TBCD: variants seen among roughly 807,000 people sequenced by gnomAD.
TBCD encodes the protein tubulin folding cofactor D.
A neutral mutation model predicts 169.3 loss-of-function variants in TBCD; 105 were observed. That is an observed-to-expected ratio of 0.62 (90% CI 0.53 to 0.73). The LOEUF (loss-of-function observed/expected upper bound fraction) is 0.73, where lower values mean the gene tolerates loss of function less well. Ranked by LOEUF, TBCD falls within the 30% of genes least tolerant of loss-of-function variation. The probability of loss-of-function intolerance (pLI) is 0.00; values close to 1 mark genes in which losing one functional copy is unlikely to be tolerated. For synonymous variants in TBCD, 700 were observed against 643.9 expected, an observed-to-expected ratio of 1.09 and a Z score of -1.32; for missense variants, 1,444 against 1,600.1, an observed-to-expected ratio of 0.90 and a Z score of 1.66.
intron 13 of TBCD, among the ~76,000 whole-genome samples, chr17:82,851,206 T>G (rs1031524596): frequency 1.3e-5 from 2 of 152,150 alleles, no homozygotes; most frequent in Admixed American, 6.5e-5. Context: ...GGTGATAATT[T>G]TTAGTTAGAA....
At chr17:82,800,257 C>T (rs2050406561) in intron 8 of TBCD, among the ~76,000 whole-genome samples, 1 of 152,296 alleles carries the variant, frequency 6.6e-6, no homozygotes, top group South Asian at 2.1e-4. Context: ...CTCGTCGCAG[C>T]ACCCGGGCGT....
At chr17:82,840,115 C>CGATTCATG (rs2054341209) in intron 13 of TBCD, 1 of 152,060 alleles carries the variant, frequency 6.6e-6, no homozygotes, top group South Asian at 2.1e-4. Flanking sequence ...CCCGCAGCTA[C>CGATTCATG]GATTCATGTG....
At chr17:82,847,074 G>A (rs926253592) in intron 13 of TBCD, among the ~76,000 whole-genome samples, 2 of 152,170 alleles carry the variant, frequency 1.3e-5, no homozygotes, top group South Asian at 2.1e-4. Context: ...GAAACAGGCC[G>A]GGCGTGGTGG....
intron 13 of TBCD, among the ~76,000 whole-genome samples, chr17:82,865,340 C>T (rs969061936): frequency 2.0e-5 from 3 of 152,202 alleles, no homozygotes; most frequent in Admixed American, 2.0e-4. Context: ...TTCCTGCGCT[C>T]GGGCTCTGCA....
At chr17:82,857,047 A>G (rs531787172) in intron 13 of TBCD, among the ~76,000 whole-genome samples, 11 of 152,308 alleles carry the variant, frequency 7.2e-5, no homozygotes, top group South Asian at 6.2e-4. Context: ...AGCTGTTTCC[A>G]CAGACGCTGT....
Position 82,831,426 on chromosome 17 carries a change from T to A in TBCD, c.1318+16492T>A. The stretch of plus-strand genomic sequence containing the variant: ...CTTCAAGCAGGTGAGAGCTCTGATC[T>A]CGGGTGAGGCCAGTGACAGGTGGGA... On this transcript the variant is annotated intron_variant, in intron 13 of 38. Transcript: ENST00000355528. The surrounding 1 kb of genome is among the most constrained non-coding windows in gnomAD (Gnocchi z 4.6). 1 of 1,614,138 alleles carries A rather than the reference T, an allele frequency of 6.2e-7. No homozygotes were observed. Among genetic ancestry groups the A allele is most frequent in the Non-Finnish European group, 8.5e-7 (1 of 1,180,028 alleles).
At chr17:82,926,359 T>C (rs1212531407) in intron 27 of TBCD, 41 bp from the exon 28 acceptor site, 2 of 1,597,798 alleles carry the variant, frequency 1.3e-6, no homozygotes, top group Non-Finnish European at 1.7e-6. Flanking sequence ...TGCACTTTGT[T>C]ATAGCTTATG....
intron 1 of TBCD, among the ~76,000 whole-genome samples, chr17:82,754,967 G>A (rs761442069): frequency 5.3e-5 from 8 of 152,214 alleles, no homozygotes; most frequent in Non-Finnish European, 8.8e-5. Context: ...GGGTGTGCCC[G>A]TGAGGCAGCC....
chr17:82,782,637 C>T lies in TBCD; in HGVS notation c.771+916C>T, dbSNP rs963490401. On this transcript the variant is annotated intron_variant, in intron 7 of 38. Coordinates refer to ENST00000355528, the MANE Select transcript of TBCD (RefSeq NM_005993.5). This position sits in a 1 kb window ranked among gnomAD's most constrained non-coding sequence, Gnocchi z 5.1. ...CTGGGATTACAGGCTTGAGCCGCCG[C>T]GCCTGGAAGGACACTTTGGAGCGCG... Among the ~76,000 whole-genome samples, 4 of 152,342 alleles carry T rather than the reference C, an allele frequency of 2.6e-5. No homozygotes were observed. Among genetic ancestry groups the T allele is most frequent in the East Asian group, 3.9e-4 (2 of 5,174 alleles).
At position 82,921,524 on chromosome 17, in the gene TBCD, G is replaced by T. The variant is rs772908058; in HGVS notation, c.2125G>T (p.Asp709Tyr). 1.2e-6 allele frequency: 2 copies of T among 1,614,018 alleles called. No homozygotes were observed. The highest frequency in any genetic ancestry group is 1.7e-6 in the Non-Finnish European group (2 of 1,179,888). The change falls in exon 25 of 39, where the codon GAC (aspartate) becomes TAC (tyrosine). Residue 709 changes from aspartate to tyrosine, a missense_variant. Physicochemically the swap from Asp to Tyr is radical, Grantham distance 160. Coordinates refer to ENST00000355528, the MANE Select transcript of TBCD (RefSeq NM_005993.5). ...AGATGGTTGGCAATGGCTGATAAAT[G>T]ACACTTTGAGACATCTCCATCTCAT... ...VIDGWQWLIN[D>Y]TLRHLHLISS...
At chr17:82,939,941 C>T (rs1212997287) in intron 37 of TBCD, among the ~76,000 whole-genome samples, 2 of 152,212 alleles carry the variant, frequency 1.3e-5, no homozygotes, top group African/African-American at 4.8e-5. Context: ...GCCATGAGGC[C>T]CTCAGGAGGC....
chr17:82,886,305 A>C (rs1310892075), intron 15 of TBCD: 1 of 152,226 alleles, frequency 6.6e-6, no homozygotes, highest in Non-Finnish European at 1.5e-5. Context: ...TTGTGAAAAC[A>C]GTTCCAGCTG....
At chr17:82,861,428 G>A (rs1043902342) in intron 13 of TBCD, among the ~76,000 whole-genome samples, 1 of 152,170 alleles carries the variant, frequency 6.6e-6, no homozygotes, top group African/African-American at 2.4e-5. Context: ...TTTCTTTCTT[G>A]GGGGATGGAT....
intron 12 of TBCD, among the ~76,000 whole-genome samples, chr17:82,811,076 AGG>A (rs1039140877): frequency 5.3e-4 from 80 of 152,286 alleles, no homozygotes; most frequent in African/African-American, 1.6e-3. Context: ...CAGGGGTTGG[AGG>A]GTGCTACGTG....
chr17:82,772,844 C>T (rs1166999626), intron 6 of TBCD, among the ~76,000 whole-genome samples: 2 of 152,056 alleles, frequency 1.3e-5, no homozygotes, highest in Non-Finnish European at 2.9e-5. Flanking sequence ...CATCTCGGGC[C>T]GTCTCCCATG....
chr17:82,755,955 A>G (rs1296665980), intron 1 of TBCD, among the ~76,000 whole-genome samples: 1 of 152,094 alleles, frequency 6.6e-6, no homozygotes, highest in South Asian at 2.1e-4. Context: ...AGGCTGGGCC[A>G]CAGTGGCCCT....
At position 82,831,636 on chromosome 17, in the gene TBCD, C is replaced by T; in HGVS notation, c.1318+16702C>T. 1 of 1,614,168 alleles carries T rather than the reference C, an allele frequency of 6.2e-7. No homozygotes were observed. Among genetic ancestry groups the T allele is most frequent in the South Asian group, 1.1e-5 (1 of 91,080 alleles). On this transcript the variant is annotated intron_variant, in intron 13 of 38. Coordinates refer to ENST00000355528, the MANE Select transcript of TBCD (RefSeq NM_005993.5). The surrounding 1 kb of genome is among the most constrained non-coding windows in gnomAD (Gnocchi z 4.6). ...TCGGGTCTTGGGTTCCGTAGACTGA[C>T]AGCAGGGGTGCGTCACACTCAGGCG...
rs532066473 is a variant in TBCD at position 82,944,542 on chromosome 17, GA to G, written c.*2083del. 136 of 152,412 alleles carry G rather than the reference GA, an allele frequency of 8.9e-4. No homozygotes were observed. The highest frequency in any genetic ancestry group is 3.2e-3 in the African/African-American group (134 of 41,594). The allele number at this position is 152,412 out of a possible 1,614,324, so 9.4% of individuals were successfully genotyped here. On this transcript the variant is annotated 3_prime_UTR_variant, in exon 39 of 39. Transcript: ENST00000355528. ...GGTGTTGACTCCGAGAAGGTGTTCA[GA>G]AAACCTCTCTGAAGGGGCAGCATTT...
chr17:82,905,819 G>A (rs2060206796), intron 19 of TBCD, 117 bp from the exon 20 acceptor site: 1 of 694,210 alleles, frequency 1.4e-6, no homozygotes, highest in Non-Finnish European at 2.4e-6. Context: ...CCCACAGGCC[G>A]TCCGTGTGTG....
Sources: allele counts gnomAD v4.1 joint callset (sites outside exome capture counted in the v4.1 genomes callset), GRCh38; gene constraint gnomAD v4.1.1; non-coding constraint Gnocchi (gnomAD v3.1); transcripts MANE v1.5; gene names NCBI Gene and HGNC (gene_info 2026-07-23, HGNC 2026-07-21).